PLEK: variants seen among roughly 807,000 people sequenced by gnomAD.
The protein encoded by PLEK is platelet 47 kDa protein.
In PLEK, 25 loss-of-function variants were observed where a neutral mutation model predicts 43.9. The ratio of observed to expected loss-of-function variants is 0.57; its 90% CI spans 0.41 to 0.79. The LOEUF (loss-of-function observed/expected upper bound fraction) is 0.79. Ranked by LOEUF, PLEK falls within the 30% of genes least tolerant of loss-of-function variation. The probability of loss-of-function intolerance (pLI) is 0.00; values close to 1 mark genes in which losing one functional copy is unlikely to be tolerated. For missense variants in PLEK, 396 were observed against 413.3 expected (o/e 0.96, Z 0.36); for synonymous variants, 152 against 144.4 (o/e 1.05, Z -0.38).
chr2:68,373,447 G>A lies in PLEK; in HGVS notation c.43-6881G>A, dbSNP rs147291923. Among the ~76,000 whole-genome samples the A allele has an allele frequency of 3.8e-3, 573 of 152,118 alleles. 2 individuals are homozygous for A. The highest frequency in any genetic ancestry group is 0.013 in the African/African-American group (554 of 41,520). On this transcript the variant is annotated intron_variant, in intron 1 of 8. Transcript: ENST00000234313. ...TACATATGTATACATGTGCCATGTT[G>A]TTGTGCTGCACCCATTAACTCGTCA...
In PLEK at chr2:68,394,094, C is replaced by G; in HGVS notation, c.847-13C>G. On this transcript the variant is annotated splice_polypyrimidine_tract_variant and intron_variant, in intron 7 of 8. Transcript: ENST00000234313. ...ATTTTGGAAACATAATGAACAACTCCTTTCTTCTTTAGGCAGAAGATCCCC... is the reference window on the plus strand; with the variant it reads ...ATTTTGGAAACATAATGAACAACTCGTTTCTTCTTTAGGCAGAAGATCCCC... The G allele has an allele frequency of 1.9e-6, 3 of 1,588,416 alleles. No individual in the cohort carries two copies. Among genetic ancestry groups the G allele is most frequent in the Non-Finnish European group, 2.6e-6 (3 of 1,156,764 alleles).
chr2:68,387,017 A>G (rs1218013662), intron 5 of PLEK, among the ~76,000 whole-genome samples: 1 of 151,976 alleles, frequency 6.6e-6, no homozygotes, highest in African/African-American at 2.4e-5. Flanking sequence ...ATTATTTTTT[A>G]TTTATTTAGA....
chr2:68,385,515 A>G (rs932252070), intron 4 of PLEK, among the ~76,000 whole-genome samples: 3 of 152,042 alleles, frequency 2.0e-5, no homozygotes, highest in African/African-American at 7.2e-5. Flanking sequence ...CCATTAGCCA[A>G]ATTTCTTACT....
At chr2:68,384,614 G>A (rs1362906580) in intron 4 of PLEK, among the ~76,000 whole-genome samples, 1 of 152,182 alleles carries the variant, frequency 6.6e-6, no homozygotes, top group Non-Finnish European at 1.5e-5. Context: ...GGCCTCGGCT[G>A]GGAGATGAAG....
intron 4 of PLEK, among the ~76,000 whole-genome samples, chr2:68,382,834 C>G (rs149629432): frequency 6.6e-6 from 1 of 152,228 alleles, no homozygotes; most frequent in African/African-American, 2.4e-5. Flanking sequence ...TTTGTTCAAG[C>G]TTTATTTGTT....
At chr2:68,394,309 C>T in intron 8 of PLEK, 133 bp downstream of exon 8, 1 of 683,870 alleles carries the variant, frequency 1.5e-6, no homozygotes, top group Non-Finnish European at 2.7e-6. Flanking sequence ...TGGTGGCTCC[C>T]ACCTGTAATC....
At chr2:68,391,352 C>T (rs1673855311) in intron 6 of PLEK, among the ~76,000 whole-genome samples, 1 of 152,168 alleles carries the variant, frequency 6.6e-6, no homozygotes, top group African/African-American at 2.4e-5. Flanking sequence ...TACAGCATGA[C>T]ATGTGTGTCT....
At chr2:68,370,197 G>A (rs372002324) in intron 1 of PLEK, among the ~76,000 whole-genome samples, 2 of 152,210 alleles carry the variant, frequency 1.3e-5, no homozygotes, top group African/African-American at 4.8e-5. Context: ...TTGAATTCCA[G>A]CCATACATTG....
rs1012090018 is a variant in PLEK, at chr2:68,394,026, T to C, written c.847-81T>C. ...GGGCCCTGATCTATATTAGAGTGAGTCTGGCTTTTTCACCAAGAGGATGAG... is the reference window on the plus strand; with the variant it reads ...GGGCCCTGATCTATATTAGAGTGAGCCTGGCTTTTTCACCAAGAGGATGAG... On this transcript the variant is annotated intron_variant, in intron 7 of 8. Coordinates refer to ENST00000234313, the MANE Select transcript of PLEK (RefSeq NM_002664.3). The C allele has an allele frequency of 1.3e-5, 12 of 898,052 alleles. No homozygotes were observed. The African/African-American group carries it at 2.0e-4, about 15-fold the overall frequency. 55.6% of individuals were successfully genotyped at this position (898,052 alleles called of 1,614,324 possible). A position where few individuals can be genotyped will look rare whatever the true frequency, so the allele number is the denominator to read the frequency against.
rs1229232552 is a variant in PLEK, at chr2:68,397,453, A to G, written c.*1637A>G. ...ATAAATATATGACTCTGTTTAATGCATTTTTGGTGTGATGACTCTGTTTTG... is the reference window on the plus strand; with the variant it reads ...ATAAATATATGACTCTGTTTAATGCGTTTTTGGTGTGATGACTCTGTTTTG... On this transcript the variant is annotated 3_prime_UTR_variant, in exon 9 of 9. Coordinates refer to ENST00000234313, the MANE Select transcript of PLEK (RefSeq NM_002664.3). 1 of 152,188 alleles carries G rather than the reference A, an allele frequency of 6.6e-6. No individual in the cohort carries two copies. Among genetic ancestry groups the G allele is most frequent in the Non-Finnish European group, 1.5e-5 (1 of 68,046 alleles). The allele number at this position is 152,188 out of a possible 1,614,324, so 9.4% of individuals were successfully genotyped here.
rs978156761 is a variant in PLEK at position 68,380,728 on chromosome 2, G to A, written c.204G>A (p.Val68=). Residue 68 remains valine, a synonymous_variant, in exon 3 of 9, where the codon GTG becomes GTA. Transcript: ENST00000234313. ...GGATGTGTTTTGATTTTCAGTTTGT[G>A]TTTAAGATCACTACGACCAAACAGC... is the stretch of plus-strand genomic sequence containing the variant. The part of the protein sequence containing the change: ...PCQDFGKRMF[V]FKITTTKQQD... The A allele has an allele frequency of 3.7e-6, 6 of 1,613,026 alleles. No individual in the cohort carries two copies. The highest frequency in any genetic ancestry group is 1.1e-5 in the South Asian group (1 of 90,972).
At chr2:68,370,647 A>T (rs12621489) in intron 1 of PLEK, among the ~76,000 whole-genome samples, 24,730 of 152,042 alleles carry the variant, frequency 0.16, 2,582 homozygotes, top group African/African-American at 0.3. Context: ...CACCAAGCCC[A>T]GCTAATTTTT....
At chr2:68,389,421 C>T (rs747603549) in intron 6 of PLEK, among the ~76,000 whole-genome samples, 2 of 152,096 alleles carry the variant, frequency 1.3e-5, no homozygotes, top group African/African-American at 2.4e-5. Flanking sequence ...ATAGGCTCCA[C>T]GGGACTGGGG....
At position 68,390,135 on chromosome 2, in the gene PLEK, G is replaced by A. The variant is rs966878183; in HGVS notation, c.762+1644G>A. Among the ~76,000 whole-genome samples, 55 of 152,314 alleles carry A rather than the reference G, an allele frequency of 3.6e-4. 1 individual carries two copies. The highest frequency in any genetic ancestry group is 1.3e-3 in the African/African-American group (53 of 41,562). On this transcript the variant is annotated intron_variant, in intron 6 of 8. Transcript: ENST00000234313. Reference sequence around the variant, plus strand: ...TGGTCAAAAATTGTGTGTGGGTAATGAGTGTCTGGATGTATTTTGAAGACA... The same window carrying A: ...TGGTCAAAAATTGTGTGTGGGTAATAAGTGTCTGGATGTATTTTGAAGACA...
At chr2:68,381,683 C>G (rs1205826289) in intron 3 of PLEK, among the ~76,000 whole-genome samples, 2 of 152,114 alleles carry the variant, frequency 1.3e-5, no homozygotes, top group African/African-American at 4.8e-5. Flanking sequence ...CTGAGAGGAG[C>G]CTAAAGACAT....
intron 1 of PLEK, 65 bp from the exon 2 acceptor site, chr2:68,380,263 G>A (rs554732306): frequency 3.0e-6 from 4 of 1,328,852 alleles, no homozygotes; most frequent in South Asian, 2.8e-5. Context: ...AATCTTTCCT[G>A]TTAGGAGGAA....
At position 68,381,715 on chromosome 2, in the gene PLEK, C is replaced by T. The variant is rs547847383; in HGVS notation, c.380+811C>T. ...ACATCCCTTCTGCACTTCTGCATGACGACACAAGACTTGGCATGGCACAGG... is the reference window on the plus strand; with the variant it reads ...ACATCCCTTCTGCACTTCTGCATGATGACACAAGACTTGGCATGGCACAGG... On this transcript the variant is annotated intron_variant, in intron 3 of 8. Coordinates refer to ENST00000234313, the MANE Select transcript of PLEK (RefSeq NM_002664.3). 3.5e-4 allele frequency among the ~76,000 whole-genome samples: 53 copies of T among 152,290 alleles called. No homozygotes were observed. The South Asian group carries it at 9.1e-3, about 26-fold the overall frequency.
intron 6 of PLEK, 68 bp from the exon 7 acceptor site, chr2:68,393,093 AG>A (rs1252359809): frequency 1.1e-6 from 1 of 886,150 alleles, no homozygotes; most frequent in African/African-American, 1.6e-5. Context: ...ATTATTCTGT[AG>A]GTATTGTTTG....
intron 3 of PLEK, among the ~76,000 whole-genome samples, chr2:68,382,195 G>T (rs1232477746): frequency 1.3e-5 from 2 of 152,108 alleles, no homozygotes; most frequent in Non-Finnish European, 2.9e-5. Context: ...TGTAGAAAAT[G>T]GACCCTAGGA....
Sources: gnomAD v4.1 joint callset for allele counts (sites outside exome capture counted in the v4.1 genomes callset) on GRCh38, gnomAD v4.1.1 for gene constraint, MANE v1.5 for transcripts, NCBI Gene and HGNC (gene_info 2026-07-23, HGNC 2026-07-21) for gene names.